The following TAFA2 variants were observed in gnomAD, a reference collection of about 807,000 sequenced individuals.
TAFA2 encodes the protein TAFA chemokine like family member 2.
A neutral mutation model predicts 18.8 loss-of-function variants in TAFA2; 7 were observed. That is an observed-to-expected ratio of 0.37 (90% CI 0.21 to 0.70). TAFA2 has a LOEUF of 0.70. TAFA2 is among the 30% of genes least tolerant of loss of function. The probability of loss-of-function intolerance (pLI) is 0.53; values close to 1 mark genes in which losing one functional copy is unlikely to be tolerated. For missense variants in TAFA2, 122 were observed against 158.1 expected (o/e 0.77, Z 1.23); for synonymous variants, 60 against 54.2 (o/e 1.11, Z -0.47).
chr12:62,085,069 AAGAG>A (rs1168535290), intron 1 of TAFA2, among the ~76,000 whole-genome samples: 4 of 152,252 alleles, frequency 2.6e-5, no homozygotes, highest in African/African-American at 9.6e-5. Flanking sequence ...CTCCCCAGAA[AAGAG>A]AGAAACTGAT....
chr12:61,881,256 A>T (rs1374527883), intron 1 of TAFA2, among the ~76,000 whole-genome samples: 2 of 152,124 alleles, frequency 1.3e-5, no homozygotes, highest in African/African-American at 4.8e-5. Flanking sequence ...AGTAATCAGG[A>T]TACATTCTGA....
upstream of TAFA2, among the ~76,000 whole-genome samples, chr12:62,193,296 C>T (rs77828252): frequency 3.3e-4 from 50 of 152,242 alleles, no homozygotes; most frequent in African/African-American, 1.2e-3. Flanking sequence ...TTTACAAGTC[C>T]TTTACAAGGA....
chr12:62,129,688 G>T (rs1870605430), intron 1 of TAFA2, among the ~76,000 whole-genome samples: 1 of 151,948 alleles, frequency 6.6e-6, no homozygotes, highest in South Asian at 2.1e-4. Flanking sequence ...TGACATTTTG[G>T]ACCAGATAAT....
chr12:62,115,251 T>G (rs982641594), intron 1 of TAFA2, among the ~76,000 whole-genome samples: 1 of 152,140 alleles, frequency 6.6e-6, no homozygotes, highest in Non-Finnish European at 1.5e-5. Flanking sequence ...GCACCAAAAT[T>G]GTGTATGTCT....
At chr12:61,930,246 C>A (rs144671551) in intron 1 of TAFA2, among the ~76,000 whole-genome samples, 1 of 152,106 alleles carries the variant, frequency 6.6e-6, no homozygotes, top group East Asian at 1.9e-4. Flanking sequence ...AAGTTTCAAA[C>A]CAAAAGGGAC....
chr12:61,784,707 A>AT (rs2120899956), intron 2 of TAFA2, among the ~76,000 whole-genome samples: 1 of 151,090 alleles, frequency 6.6e-6, no homozygotes, highest in Non-Finnish European at 1.5e-5. Context: ...TTTTTCAAAA[A>AT]AAAAAAGTTT....
intron 1 of TAFA2, among the ~76,000 whole-genome samples, chr12:61,881,897 GTGTAAACTC>G (rs1430874339): frequency 6.6e-6 from 1 of 151,574 alleles, no homozygotes; most frequent in Non-Finnish European, 1.5e-5. Flanking sequence ...CTCATGGACT[GTGTAAACTC>G]TGACTTGAAT....
rs528087532 is a variant in TAFA2 at position 61,795,699 on chromosome 12, C to A, written c.107-40675G>T. Reference sequence around the variant, plus strand: ...ATGTAACAAACCTGCATGTTGTGAACATGTACCCTAGAACTTAAAGTGTAA... The same window carrying A: ...ATGTAACAAACCTGCATGTTGTGAAAATGTACCCTAGAACTTAAAGTGTAA... On this transcript the variant is annotated intron_variant, in intron 2 of 4. Transcript: ENST00000416284. Among the ~76,000 whole-genome samples, 68 of 149,910 alleles carry A rather than the reference C, an allele frequency of 4.5e-4. 2 individuals carry two copies. In the South Asian group the frequency reaches 0.014, roughly 31 times the overall value.
chr12:62,022,705 G>A (rs1881184622), intron 1 of TAFA2, among the ~76,000 whole-genome samples: 1 of 152,098 alleles, frequency 6.6e-6, no homozygotes, highest in African/African-American at 2.4e-5. Context: ...CTGCTCTTAG[G>A]CAAATGTACT....
At chr12:62,144,738 T>C (rs1047161154) in intron 1 of TAFA2, among the ~76,000 whole-genome samples, 1 of 152,224 alleles carries the variant, frequency 6.6e-6, no homozygotes, top group African/African-American at 2.4e-5. Flanking sequence ...ACCCAACCTA[T>C]GTCCTATGTC....
chr12:62,107,993 T>A (rs1430072530), intron 1 of TAFA2, among the ~76,000 whole-genome samples: 1 of 152,110 alleles, frequency 6.6e-6, no homozygotes, highest in Non-Finnish European at 1.5e-5. Context: ...ATATAAAAGC[T>A]TTTTTTATAT....
intron 1 of TAFA2, among the ~76,000 whole-genome samples, chr12:61,983,661 C>T (rs1442968402): frequency 6.6e-6 from 1 of 152,108 alleles, no homozygotes; most frequent in African/African-American, 2.4e-5. Context: ...CTGCCTTGCC[C>T]TCCCAAAGTC....
At chr12:62,009,586 T>C (rs1384708027) in intron 1 of TAFA2, among the ~76,000 whole-genome samples, 1 of 152,204 alleles carries the variant, frequency 6.6e-6, no homozygotes, top group Non-Finnish European at 1.5e-5. Flanking sequence ...TAATTTGGCT[T>C]TATCAGATAT....
intron 1 of TAFA2, among the ~76,000 whole-genome samples, chr12:62,169,198 G>A (rs1033969834): frequency 6.6e-6 from 1 of 152,138 alleles, no homozygotes; most frequent in East Asian, 1.9e-4. Flanking sequence ...GATGGGTAGA[G>A]GAATGTGCCT....
At chr12:62,047,379 T>C (rs1459455039) in intron 1 of TAFA2, among the ~76,000 whole-genome samples, 4 of 152,138 alleles carry the variant, frequency 2.6e-5, no homozygotes, top group African/African-American at 9.7e-5. Context: ...TGTCCCAGGA[T>C]CATCATAATG....
chr12:62,160,413 A>G (rs2062399004), intron 1 of TAFA2, among the ~76,000 whole-genome samples: 1 of 152,122 alleles, frequency 6.6e-6, no homozygotes, highest in Non-Finnish European at 1.5e-5. Context: ...TTTCGTTCAT[A>G]CTTCTATTAA....
At chr12:61,854,732 C>A (rs1319294112) in intron 2 of TAFA2, among the ~76,000 whole-genome samples, 1 of 151,892 alleles carries the variant, frequency 6.6e-6, no homozygotes, top group Non-Finnish European at 1.5e-5. Context: ...AATTCCATAC[C>A]CAGCCAAACT....
intron 2 of TAFA2, among the ~76,000 whole-genome samples, chr12:61,848,171 G>A (rs1050054831): frequency 6.6e-5 from 10 of 152,086 alleles, no homozygotes; most frequent in African/African-American, 2.4e-4. Flanking sequence ...ATTTGCAAAC[G>A]CAGATGAATT....
rs546530047 is a variant in TAFA2, at chr12:62,139,432, C to G, written c.-2+51827G>C. 1.8e-4 allele frequency among the ~76,000 whole-genome samples: 28 copies of G among 152,188 alleles called. No individual in the cohort carries two copies. In the South Asian group the frequency reaches 5.8e-3, roughly 32 times the overall value. ...CCCCAGAGTGTCAACTCAGGTTGTT[C>G]TTAGTGGAAAAGCAAAATACAAAAT... On this transcript the variant is annotated intron_variant, in intron 1 of 4. Transcript: ENST00000416284.
Sources: allele counts gnomAD v4.1 joint callset (sites outside exome capture counted in the v4.1 genomes callset), GRCh38; gene constraint gnomAD v4.1.1; transcripts MANE v1.5; gene names NCBI Gene and HGNC (gene_info 2026-07-23, HGNC 2026-07-21).